DNMBP: variants seen among roughly 807,000 people sequenced by gnomAD.
DNMBP encodes the protein dynamin-binding protein.
In DNMBP, 87 loss-of-function variants were observed where a neutral mutation model predicts 150.0. The observed-to-expected ratio is 0.58, with a 90% CI of 0.49 to 0.69. DNMBP has a LOEUF of 0.69. Among genes scored for constraint, DNMBP ranks in the 30% least tolerant of loss-of-function variants. The probability of loss-of-function intolerance (pLI) is 0.00; values close to 1 mark genes in which losing one functional copy is unlikely to be tolerated. For missense variants in DNMBP, 1,774 were observed against 1,949.0 expected, an observed-to-expected ratio of 0.91 and a Z score of 1.69; for synonymous variants, 711 against 750.4, an observed-to-expected ratio of 0.95 and a Z score of 0.86.
chr10:99,938,783 C>T (rs920243699), intron 4 of DNMBP, among the ~76,000 whole-genome samples: 1 of 152,022 alleles, frequency 6.6e-6, no homozygotes, highest in African/African-American at 2.4e-5. Context: ...AGAAAGTGGC[C>T]GAGGAAAGAG....
At chr10:99,909,170 T>C (rs1411747517) in intron 4 of DNMBP, 24 bp from the exon 5 acceptor site, 2 of 1,594,064 alleles carry the variant, frequency 1.3e-6, no homozygotes, top group East Asian at 4.5e-5. Context: ...GAGAACTGGT[T>C]AGCAGCTCTG....
In DNMBP at chr10:99,961,618, C is replaced by A. The variant is rs527548992; in HGVS notation, c.269-4413G>T. Among the ~76,000 whole-genome samples the A allele has an allele frequency of 2.4e-4, 37 of 152,070 alleles. No homozygotes were observed. In the East Asian group the frequency reaches 7.0e-3, roughly 29 times the overall value. ...CCCTGGTCCAATTCCCACCATCTCA[C>A]CCTTTGAAATCTTGTCCCCACGCAT... On this transcript the variant is annotated intron_variant, in intron 3 of 16. Coordinates refer to ENST00000324109, the MANE Select transcript of DNMBP (RefSeq NM_015221.4).
Position 99,876,896 on chromosome 10 carries a change from CTTGTCTCTCTTCTCA to C in DNMBP, c.*240_*254del. On this transcript the variant is annotated 3_prime_UTR_variant, in exon 17 of 17. Transcript: ENST00000324109. ...TCCTTTCCAAAAGCCAGCTCTAAGACTTGTCTCTCTTCTCATAGTCACTAAGTCATTTGCAAAGCC... is the reference window on the plus strand; with the variant it reads ...TCCTTTCCAAAAGCCAGCTCTAAGACTAGTCACTAAGTCATTTGCAAAGCC... 1 of 386,400 alleles carries C rather than the reference CTTGTCTCTCTTCTCA, an allele frequency of 2.6e-6. No homozygotes were observed. Among genetic ancestry groups the C allele is most frequent in the Non-Finnish European group, 4.6e-6 (1 of 218,272 alleles). 23.9% of individuals were successfully genotyped at this position (386,400 alleles called of 1,614,324 possible). A position where few individuals can be genotyped will look rare whatever the true frequency, so the allele number is the denominator to read the frequency against.
chr10:99,880,195 G>A lies in DNMBP; in HGVS notation c.4164C>T (p.Ser1388=). The A allele has an allele frequency of 1.2e-6, 2 of 1,614,184 alleles. No homozygotes were observed. Among genetic ancestry groups the A allele is most frequent in the Non-Finnish European group, 1.7e-6 (2 of 1,180,026 alleles). The stretch of plus-strand genomic sequence containing the variant: ...CCGAGGTAAAGGATACAGCCATGCT[G>A]CTGGGGTTGAAGGTCAGGGTGCTGC... ...NSGSTLTFNP[S]SMAVSFTSGS... is the part of the protein sequence containing the mutation. Residue 1388 remains serine (S), a synonymous_variant, in exon 16 of 17, where the codon AGC becomes AGT. Coordinates refer to ENST00000324109, the MANE Select transcript of DNMBP (RefSeq NM_015221.4).
At chr10:99,992,525 AG>A (rs1229010968) in intron 1 of DNMBP, among the ~76,000 whole-genome samples, 1 of 137,434 alleles carries the variant, frequency 7.3e-6, no homozygotes, top group Non-Finnish European at 1.5e-5. Context: ...TGAATCTAGG[AG>A]TTTTTTTTTT....
chr10:99,917,968 CAAAAAAAA>C (rs749252887), intron 4 of DNMBP, among the ~76,000 whole-genome samples: 4 of 52,262 alleles, frequency 7.7e-5, no homozygotes, highest in African/African-American at 1.3e-4. Context: ...GACTCTGTCT[CAAAAAAAA>C]AAAAAAAAAA....
intron 4 of DNMBP, among the ~76,000 whole-genome samples, chr10:99,944,961 C>A (rs115184751): frequency 0.012 from 1,762 of 152,084 alleles, 38 homozygotes; most frequent in African/African-American, 0.039. Flanking sequence ...AGCTAAGATC[C>A]TAAAGAACTC....
intron 11 of DNMBP, among the ~76,000 whole-genome samples, chr10:99,891,237 A>G (rs1389956771): frequency 8.2e-6 from 1 of 122,410 alleles, no homozygotes; most frequent in Non-Finnish European, 1.6e-5. Flanking sequence ...ATGCGGAGCC[A>G]AAGCTGGACT....
At chr10:99,959,724 T>C (rs548680671) in intron 3 of DNMBP, among the ~76,000 whole-genome samples, 2 of 151,746 alleles carry the variant, frequency 1.3e-5, no homozygotes, top group Admixed American at 1.3e-4. Flanking sequence ...GGTGTGGTGG[T>C]GAGCGCTATA....
Position 99,956,871 on chromosome 10 carries a change from C to T in DNMBP, c.603G>A (p.Leu201=), listed in dbSNP as rs199645721. Reference sequence around the variant, plus strand: ...CATCCACAGTCCTCAGGGGCCCCAACAGCTCTACAAAACCTTCTGGAAAAA... The same window carrying T: ...CATCCACAGTCCTCAGGGGCCCCAATAGCTCTACAAAACCTTCTGGAAAAA... The part of the protein sequence containing the change: ...RGIFPEGFVE[L]LGPLRTVDES... The change falls in exon 4 of 17, where the codon CTG becomes CTA. Residue 201 remains leucine, a synonymous_variant. Coordinates refer to ENST00000324109, the MANE Select transcript of DNMBP (RefSeq NM_015221.4). 1.9e-5 allele frequency: 31 copies of T among 1,614,210 alleles called. 1 individual carries two copies. The Admixed American group carries it at 4.5e-4, about 23-fold the overall frequency.
chr10:99,894,952 G>T lies in DNMBP; in HGVS notation c.3150C>A (p.His1050Gln), dbSNP rs749520309. Reference protein sequence around the residue: ...FIRDLSLYLQHIRESACVKVV... With the variant: ...FIRDLSLYLQQIRESACVKVV... Reference sequence around the variant, plus strand: ...CAGTGATGTTGATGCTCACCCGGATGTGCTGGAGGTAGAGAGACAGGTCTC... The same window carrying T: ...CAGTGATGTTGATGCTCACCCGGATTTGCTGGAGGTAGAGAGACAGGTCTC... Residue 1050 changes from histidine (H) to glutamine (Q), a missense_variant, in exon 11 of 17, where the codon CAC becomes CAA. Coordinates refer to ENST00000324109, the MANE Select transcript of DNMBP (RefSeq NM_015221.4). 1.9e-6 allele frequency: 3 copies of T among 1,612,168 alleles called. No individual in the cohort carries two copies. In the Admixed American group the frequency reaches 5.0e-5, roughly 27 times the overall value.
At position 99,923,706 on chromosome 10, in the gene DNMBP, C is replaced by T. The variant is rs140649629; in HGVS notation, c.2261-14560G>A. 5.3e-5 allele frequency among the ~76,000 whole-genome samples: 8 copies of T among 152,328 alleles called. No individual in the cohort carries two copies. The South Asian group carries it at 6.2e-4, about 12-fold the overall frequency. On this transcript the variant is annotated intron_variant, in intron 4 of 16. Transcript: ENST00000324109. ...ACTGTGTTCCTCACCACCTTCCCCA[C>T]GTCTTTGTCACCACAACCCTATGTC...
At chr10:99,927,097 G>C (rs1051104254) in intron 4 of DNMBP, 1 of 152,440 alleles carries the variant, frequency 6.6e-6, no homozygotes, top group Non-Finnish European at 1.5e-5. Context: ...CTTCCTGCCT[G>C]GGGGAGAGGC....
At chr10:99,947,972 T>G (rs2040376629) in intron 4 of DNMBP, among the ~76,000 whole-genome samples, 1 of 152,186 alleles carries the variant, frequency 6.6e-6, no homozygotes, top group Non-Finnish European at 1.5e-5. Flanking sequence ...TCTAAAATTA[T>G]TTAAAAATGA....
At chr10:99,877,375 A>G in intron 16 of DNMBP, 39 bp from the exon 17 acceptor site, 1 of 1,542,940 alleles carries the variant, frequency 6.5e-7, no homozygotes, top group Non-Finnish European at 8.8e-7. Context: ...AATTGCTGGG[A>G]GCAATGCCAT....
intron 1 of DNMBP, among the ~76,000 whole-genome samples, chr10:99,982,379 G>A (rs2040787830): frequency 6.6e-6 from 1 of 152,082 alleles, no homozygotes; most frequent in Non-Finnish European, 1.5e-5. Flanking sequence ...AGGAAGTGGA[G>A]GCTGCAGTGA....
intron 4 of DNMBP, among the ~76,000 whole-genome samples, chr10:99,915,485 T>A (rs1480054789): frequency 6.7e-6 from 1 of 149,774 alleles, no homozygotes; most frequent in Non-Finnish European, 1.5e-5. Flanking sequence ...GGCGGGAGGA[T>A]CACTTGAAAC....
intron 4 of DNMBP, among the ~76,000 whole-genome samples, chr10:99,922,549 C>T (rs1202831077): frequency 8.7e-6 from 1 of 115,088 alleles, no homozygotes; most frequent in Non-Finnish European, 1.7e-5. Flanking sequence ...AAAGATCTCA[C>T]TCTCTTGCCC....
At chr10:99,915,731 A>G (rs545700474) in intron 4 of DNMBP, among the ~76,000 whole-genome samples, 28 of 152,294 alleles carry the variant, frequency 1.8e-4, no homozygotes, top group African/African-American at 6.5e-4. Flanking sequence ...AAAAGAAAAC[A>G]AATATTTATA....
Sources: allele counts gnomAD v4.1 joint callset (sites outside exome capture counted in the v4.1 genomes callset), GRCh38; gene constraint gnomAD v4.1.1; transcripts MANE v1.5; gene names NCBI Gene and HGNC (gene_info 2026-07-23, HGNC 2026-07-21).